The following AGAP1 variants were observed in gnomAD, a reference collection of about 807,000 sequenced individuals.
AGAP1 encodes the protein arf-GAP with GTPase, ANK repeat and PH domain-containing protein 1.
A neutral mutation model predicts 105.3 loss-of-function variants in AGAP1; 29 were observed. The observed-to-expected ratio is 0.28, with a 90% CI of 0.21 to 0.38. The LOEUF is 0.38. Ranked by LOEUF, AGAP1 falls within the 10% of genes least tolerant of loss-of-function variation. The pLI, the probability that AGAP1 is intolerant of heterozygous loss-of-function variation, is 1.00. For synonymous variants in AGAP1, 509 were observed against 485.9 expected (o/e 1.05, Z -0.63); for missense variants, 998 against 1,165.1 (o/e 0.86, Z 2.09).
Position 235,892,710 on chromosome 2 carries a change from C to T in AGAP1, c.1155+9261C>T, listed in dbSNP as rs188529774. On this transcript the variant is annotated intron_variant, in intron 10 of 17. Transcript: ENST00000304032. ...ATTTTACTTGAGGATTGAAGATTCA[C>T]GAAGAATCTGTGATCCATCTCTTCA... Among the ~76,000 whole-genome samples, 681 of 152,270 alleles carry T rather than the reference C, an allele frequency of 4.5e-3. 7 individuals are homozygous for T. Among genetic ancestry groups the T allele is most frequent in the African/African-American group, 0.015 (620 of 41,548 alleles).
chr2:235,634,018 G>GC (rs1273202262), intron 1 of AGAP1, among the ~76,000 whole-genome samples: 1 of 152,058 alleles, frequency 6.6e-6, no homozygotes, highest in African/African-American at 2.4e-5. Context: ...CCCCCAGCAA[G>GC]CCCCCCGCCG....
intron 1 of AGAP1, among the ~76,000 whole-genome samples, chr2:235,594,292 T>TGA (rs1945446609): frequency 6.6e-6 from 1 of 150,902 alleles, no homozygotes; most frequent in Non-Finnish European, 1.5e-5. Flanking sequence ...TTCTGGGGTT[T>TGA]TTTTTTTTTC....
At chr2:235,937,437 C>T (rs1288859052) in intron 12 of AGAP1, among the ~76,000 whole-genome samples, 1 of 152,176 alleles carries the variant, frequency 6.6e-6, no homozygotes, top group African/African-American at 2.4e-5. Context: ...TTCCTATCAG[C>T]TATTTTCAGC....
At chr2:236,103,560 C>A (rs1292885646) in intron 16 of AGAP1, among the ~76,000 whole-genome samples, 1 of 141,456 alleles carries the variant, frequency 7.1e-6, no homozygotes, top group Admixed American at 7.1e-5. Flanking sequence ...TCCTTTCTTT[C>A]TTTCTTTTCT....
chr2:235,590,887 A>AT (rs1308052331), intron 1 of AGAP1, among the ~76,000 whole-genome samples: 25 of 148,940 alleles, frequency 1.7e-4, no homozygotes, highest in African/African-American at 5.9e-4. Flanking sequence ...CGCCCGGCTA[A>AT]TTTTTTTGTA....
intron 9 of AGAP1, among the ~76,000 whole-genome samples, chr2:235,841,455 C>T (rs959103525): frequency 1.3e-5 from 2 of 152,010 alleles, no homozygotes; most frequent in African/African-American, 4.8e-5. Flanking sequence ...ATAGTGAGGC[C>T]CCATCTGTAC....
Position 235,934,114 on chromosome 2 carries a change from G to A in AGAP1, c.1483+3191G>A, listed in dbSNP as rs1054869179. 1.3e-5 allele frequency among the ~76,000 whole-genome samples: 2 copies of A among 152,212 alleles called. No homozygotes were observed. Among genetic ancestry groups the A allele is most frequent in the East Asian group, 1.9e-4 (1 of 5,194 alleles). Reference sequence around the variant, plus strand: ...ATGTCAAGGTGTGCCTCCAGGAGCAGCAGCAGCAGCAGCCCCTGGGAACTG... The same window carrying A: ...ATGTCAAGGTGTGCCTCCAGGAGCAACAGCAGCAGCAGCCCCTGGGAACTG... On this transcript the variant is annotated intron_variant, in intron 12 of 17. Transcript: ENST00000304032. This position sits in a 1 kb window ranked among gnomAD's most constrained non-coding sequence, Gnocchi z 4.9.
chr2:236,036,844 C>T lies in AGAP1; in HGVS notation c.1800+129C>T, dbSNP rs2057398204. On this transcript the variant is annotated intron_variant, in intron 14 of 17. Coordinates refer to ENST00000304032, the MANE Select transcript of AGAP1 (RefSeq NM_001037131.3). The surrounding 1 kb of genome is among the most constrained non-coding windows in gnomAD (Gnocchi z 5.7). The stretch of plus-strand genomic sequence containing the variant: ...ACAGGACCTAGCTATTCTTTATGAG[C>T]AGAAAGCTCAATAACTAAAACGATC... 1.4e-6 allele frequency: 2 copies of T among 1,381,572 alleles called. No individual in the cohort carries two copies. The highest frequency in any genetic ancestry group is 1.9e-6 in the Non-Finnish European group (2 of 1,036,762). 85.6% of individuals were successfully genotyped at this position (1,381,572 alleles called of 1,614,324 possible). A position where few individuals can be genotyped will look rare whatever the true frequency, so the allele number is the denominator to read the frequency against.
intron 13 of AGAP1, among the ~76,000 whole-genome samples, chr2:235,978,389 C>T (rs1575951439): frequency 6.6e-6 from 1 of 152,204 alleles, no homozygotes; most frequent in African/African-American, 2.4e-5. Context: ...CCCCTTCACT[C>T]TTCCCTCCCA....
At position 235,886,319 on chromosome 2, in the gene AGAP1, A is replaced by C. The variant is rs1378910684; in HGVS notation, c.1155+2870A>C. Among the ~76,000 whole-genome samples the C allele has an allele frequency of 4.6e-5, 7 of 152,396 alleles. No individual in the cohort carries two copies. The East Asian group carries it at 1.3e-3, about 29-fold the overall frequency. On this transcript the variant is annotated intron_variant, in intron 10 of 17. Coordinates refer to ENST00000304032, the MANE Select transcript of AGAP1 (RefSeq NM_001037131.3). ...GAGAGCTGATGGATGATACATTTCCAGTCAACATATGCTCACTGCTGAGCT... is the reference window on the plus strand; with the variant it reads ...GAGAGCTGATGGATGATACATTTCCCGTCAACATATGCTCACTGCTGAGCT...
chr2:235,918,489 A>C (rs555182830), intron 11 of AGAP1, among the ~76,000 whole-genome samples: 1 of 152,350 alleles, frequency 6.6e-6, no homozygotes, highest in East Asian at 1.9e-4. Context: ...TAAGAATTGC[A>C]GCATCTTCAG....
At chr2:235,513,627 GC>G (rs2149033929) in intron 1 of AGAP1, among the ~76,000 whole-genome samples, 1 of 151,386 alleles carries the variant, frequency 6.6e-6, no homozygotes, top group South Asian at 2.1e-4. Flanking sequence ...TTCATGACGA[GC>G]CCCCTGGCAA....
rs57515821 is a variant in AGAP1, at chr2:235,538,427, ATGTGTGTG to A, written c.163+43605_163+43612del. Among the ~76,000 whole-genome samples the A allele has an allele frequency of 4.0e-4, 54 of 135,418 alleles. 1 individual carries two copies. The highest frequency in any genetic ancestry group is 1.2e-3 in the African/African-American group (43 of 35,774). 88.8% of individuals were successfully genotyped at this position (135,418 alleles called of 152,430 possible). On this transcript the variant is annotated intron_variant, in intron 1 of 17. Transcript: ENST00000304032. Reference sequence around the variant, plus strand: ...CTCTGGAGGAAGAACCTCAGCCACTATGTGTGTGTGTGTGTGTGTGTGTGTGTGTGTGT... The same window carrying A: ...CTCTGGAGGAAGAACCTCAGCCACTATGTGTGTGTGTGTGTGTGTGTGTGT...
intron 9 of AGAP1, among the ~76,000 whole-genome samples, chr2:235,829,015 C>G (rs1959181551): frequency 6.6e-6 from 1 of 152,202 alleles, no homozygotes; most frequent in Non-Finnish European, 1.5e-5. Context: ...AGAGTTCAGT[C>G]TAAGGCAGAT....
intron 16 of AGAP1, among the ~76,000 whole-genome samples, chr2:236,059,752 TG>T (rs2058139877): frequency 6.6e-6 from 1 of 152,224 alleles, no homozygotes; most frequent in African/African-American, 2.4e-5. Context: ...GAAGTGGTGC[TG>T]GGACAACTGG....
intron 1 of AGAP1, among the ~76,000 whole-genome samples, chr2:235,602,859 G>A (rs1183473949): frequency 2.0e-5 from 3 of 152,028 alleles, no homozygotes; most frequent in Non-Finnish European, 2.9e-5. Context: ...TTGCCACCAC[G>A]CCTGGCTAAT....
intron 6 of AGAP1, among the ~76,000 whole-genome samples, chr2:235,760,156 G>A (rs184787389): frequency 2.0e-5 from 3 of 152,292 alleles, no homozygotes; most frequent in East Asian, 1.9e-4. Context: ...TGAGGCAGGC[G>A]AATTACCTGA....
At chr2:235,587,563 C>T (rs1034193494) in intron 1 of AGAP1, among the ~76,000 whole-genome samples, 1 of 151,848 alleles carries the variant, frequency 6.6e-6, no homozygotes, top group Non-Finnish European at 1.5e-5. Context: ...ACTAGCCTGG[C>T]CAACATGGTG....
At chr2:235,670,325 G>A (rs965546174) in intron 1 of AGAP1, 2 of 480,484 alleles carry the variant, frequency 4.2e-6, no homozygotes, top group East Asian at 3.7e-5. Flanking sequence ...GGCCGAGGAG[G>A]CGGAGGGCGC....
Sources: allele counts gnomAD v4.1 joint callset (sites outside exome capture counted in the v4.1 genomes callset), GRCh38; gene constraint gnomAD v4.1.1; non-coding constraint Gnocchi (gnomAD v3.1); transcripts MANE v1.5; gene names NCBI Gene and HGNC (gene_info 2026-07-23, HGNC 2026-07-21).